Variants in TMEFF2 observed in about 807,000 individuals in gnomAD.
The protein encoded by TMEFF2 is tomoregulin-2.
TMEFF2 carries 28 observed loss-of-function variants against 53.8 expected under a neutral mutation model. The ratio of observed to expected loss-of-function variants is 0.52; its 90% CI spans 0.39 to 0.71. The LOEUF (loss-of-function observed/expected upper bound fraction) is 0.71, where lower values mean the gene tolerates loss of function less well. TMEFF2 is among the 30% of genes least tolerant of loss of function. The pLI, the probability that TMEFF2 is intolerant of heterozygous loss-of-function variation, is 0.00. For synonymous variants in TMEFF2, 162 were observed against 166.3 expected (o/e 0.97, Z 0.20); for missense variants, 353 against 455.2 (o/e 0.78, Z 2.04).
intron 4 of TMEFF2, among the ~76,000 whole-genome samples, chr2:192,127,513 T>C (rs978365192): frequency 2.0e-5 from 3 of 152,164 alleles, no homozygotes; most frequent in African/African-American, 7.2e-5. Context: ...AATGTAGCTA[T>C]TTTTTGTTCA....
rs1559063667 is a variant in TMEFF2, at chr2:191,964,388, TTCTTTCTTTCTC to T, written c.746-8022_746-8011del. On this transcript the variant is annotated intron_variant, in intron 7 of 9. Coordinates refer to ENST00000272771, the MANE Select transcript of TMEFF2 (RefSeq NM_016192.4). ...TCTTTCTTTCTCTTTCTTTCTTTCTTTCTTTCTTTCTCTTTCTTTCTTTCTTTCTTTCTTTCT... is the reference window on the plus strand; with the variant it reads ...TCTTTCTTTCTCTTTCTTTCTTTCTTTTTCTTTCTTTCTTTCTTTCTTTCT... 3.2e-3 allele frequency among the ~76,000 whole-genome samples: 138 copies of T among 43,468 alleles called. 2 individuals carry two copies. The highest frequency in any genetic ancestry group is 0.011 in the African/African-American group (126 of 11,346). The allele number at this position is 43,468 out of a possible 152,430, so 28.5% of individuals were successfully genotyped here. A position where few individuals can be genotyped will look rare whatever the true frequency, so the allele number is the denominator to read the frequency against.
intron 5 of TMEFF2, among the ~76,000 whole-genome samples, chr2:192,021,325 C>T (rs957400804): frequency 2.6e-5 from 4 of 151,472 alleles, no homozygotes; most frequent in South Asian, 2.1e-4. Context: ...GTACTTTCTC[C>T]CTTTAGATAA....
intron 4 of TMEFF2, among the ~76,000 whole-genome samples, chr2:192,064,392 T>G (rs1365587717): frequency 6.6e-6 from 1 of 151,826 alleles, no homozygotes; most frequent in Non-Finnish European, 1.5e-5. Flanking sequence ...TATTTTTACT[T>G]TATACAGCCA....
chr2:192,037,573 AGTGTGT>A (rs66573123), intron 5 of TMEFF2, among the ~76,000 whole-genome samples: 78 of 145,880 alleles, frequency 5.3e-4, no homozygotes, highest in African/African-American at 1.4e-3. Flanking sequence ...GAGAGTAACA[AGTGTGT>A]GTGTGTGTGT....
chr2:192,154,237 G>C (rs1468104543), intron 4 of TMEFF2, among the ~76,000 whole-genome samples: 2 of 151,878 alleles, frequency 1.3e-5, no homozygotes, highest in Non-Finnish European at 2.9e-5. Flanking sequence ...TATGTTTGTG[G>C]GGAGGAGAGA....
chr2:192,085,099 A>G (rs2105929029), intron 4 of TMEFF2, among the ~76,000 whole-genome samples: 1 of 152,276 alleles, frequency 6.6e-6, no homozygotes, highest in East Asian at 1.9e-4. Context: ...GCTTCTTCTG[A>G]AGTGCTTGGA....
rs558720715 is a variant in TMEFF2 at position 192,098,240 on chromosome 2, G to A, written c.440-40465C>T. Among the ~76,000 whole-genome samples the A allele has an allele frequency of 4.6e-5, 7 of 152,182 alleles. No homozygotes were observed. In the East Asian group the frequency reaches 5.8e-4, roughly 13 times the overall value. ...GTAACATTCTATCAAGCAAAACAAC[G>A]TCAATTCAAACCTTATTTGAATGAA... is the stretch of plus-strand genomic sequence containing the variant. On this transcript the variant is annotated intron_variant, in intron 4 of 9. Transcript: ENST00000272771.
chr2:191,950,489 G>C (rs1464572710), intron 9 of TMEFF2, 82 bp from the exon 10 acceptor site: 1 of 1,542,080 alleles, frequency 6.5e-7, no homozygotes, highest in African/African-American at 1.4e-5. Context: ...TAAAGATGTG[G>C]ATTAAGCAAA....
chr2:192,026,148 C>G (rs1686965932), intron 5 of TMEFF2, among the ~76,000 whole-genome samples: 1 of 152,104 alleles, frequency 6.6e-6, no homozygotes, highest in South Asian at 2.1e-4. Context: ...AAACCTGAAA[C>G]AATAAATGTC....
At chr2:192,085,244 G>A (rs1235184882) in intron 4 of TMEFF2, among the ~76,000 whole-genome samples, 2 of 152,096 alleles carry the variant, frequency 1.3e-5, no homozygotes, top group Non-Finnish European at 2.9e-5. Context: ...TGACAGTTCT[G>A]GGGTATGAAT....
At chr2:192,064,304 A>T (rs1688118110) in intron 4 of TMEFF2, among the ~76,000 whole-genome samples, 1 of 151,824 alleles carries the variant, frequency 6.6e-6, no homozygotes, top group Non-Finnish European at 1.5e-5. Flanking sequence ...TCTAATTATC[A>T]TATTCCAGTC....
intron 5 of TMEFF2, among the ~76,000 whole-genome samples, chr2:192,027,007 C>T (rs1338951378): frequency 6.6e-6 from 1 of 152,206 alleles, no homozygotes; most frequent in Non-Finnish European, 1.5e-5. Flanking sequence ...CAGATATTCT[C>T]CAGCTGTCCC....
At chr2:192,008,583 G>T (rs759444724) in intron 5 of TMEFF2, among the ~76,000 whole-genome samples, 3 of 152,066 alleles carry the variant, frequency 2.0e-5, no homozygotes, top group Non-Finnish European at 4.4e-5. Flanking sequence ...AGAGAAGTGC[G>T]GTCGCTCCGA....
chr2:192,176,271 G>C (rs767431961), intron 4 of TMEFF2, among the ~76,000 whole-genome samples: 2 of 151,026 alleles, frequency 1.3e-5, no homozygotes, highest in African/African-American at 2.4e-5. Flanking sequence ...TTTTTTGTCA[G>C]GTGTGAATCT....
intron 4 of TMEFF2, among the ~76,000 whole-genome samples, chr2:192,132,051 G>T (rs370059996): frequency 5.9e-5 from 9 of 151,726 alleles, no homozygotes; most frequent in South Asian, 2.1e-4. Context: ...AACCCCAAGC[G>T]TCACTGAGTC....
intron 4 of TMEFF2, among the ~76,000 whole-genome samples, chr2:192,155,564 C>T (rs1690488013): frequency 6.6e-6 from 1 of 151,906 alleles, no homozygotes; most frequent in Admixed American, 6.6e-5. Flanking sequence ...TGGTTCTAAG[C>T]CATAGCTGCT....
At chr2:192,047,720 TA>T (rs1687657865) in intron 5 of TMEFF2, among the ~76,000 whole-genome samples, 1 of 152,194 alleles carries the variant, frequency 6.6e-6, no homozygotes, top group African/African-American at 2.4e-5. Flanking sequence ...CTTTCAGCAG[TA>T]TTGATGTTTT....
chr2:192,190,527 C>T (rs1052338028), intron 2 of TMEFF2, among the ~76,000 whole-genome samples: 2 of 152,136 alleles, frequency 1.3e-5, no homozygotes, highest in East Asian at 1.9e-4. Context: ...TTTAATGTGG[C>T]TGCAGACCTT....
intron 6 of TMEFF2, among the ~76,000 whole-genome samples, chr2:191,998,786 A>G (rs1242627815): frequency 2.0e-5 from 3 of 151,944 alleles, no homozygotes; most frequent in African/African-American, 7.2e-5. Flanking sequence ...TCCCTTTGCA[A>G]GAAAATTGTC....
Sources: allele counts gnomAD v4.1 joint callset (sites outside exome capture counted in the v4.1 genomes callset), GRCh38; gene constraint gnomAD v4.1.1; transcripts MANE v1.5; gene names NCBI Gene and HGNC (gene_info 2026-07-23, HGNC 2026-07-21).